The following CLCA4 variants were observed in gnomAD, a reference collection of about 807,000 sequenced individuals.
CLCA4 encodes calcium-activated chloride channel regulator 4.
In CLCA4, 69 loss-of-function variants were observed where a neutral mutation model predicts 78.9. That is an observed-to-expected ratio of 0.87 (90% confidence interval 0.72 to 1.07). The LOEUF (loss-of-function observed/expected upper bound fraction) is 1.07. Among genes scored for constraint, CLCA4 ranks in the 50% least tolerant of loss-of-function variants. CLCA4 has a pLI of 0.00. For synonymous variants in CLCA4, 362 were observed against 375.8 expected (o/e 0.96, Z 0.42); for missense variants, 1,133 against 1,095.8 (o/e 1.03, Z -0.48).
At chr1:86,554,151 C>T (rs1349359028) in intron 1 of CLCA4, among the ~76,000 whole-genome samples, 3 of 152,086 alleles carry the variant, frequency 2.0e-5, no homozygotes, top group Admixed American at 6.5e-5. Flanking sequence ...ACCTCCACCC[C>T]CACTCTCAAG....
intron 1 of CLCA4, among the ~76,000 whole-genome samples, chr1:86,553,948 T>C (rs1309497632): frequency 1.3e-5 from 2 of 152,032 alleles, no homozygotes; most frequent in African/African-American, 4.8e-5. Context: ...AAAAAAAGTT[T>C]GTGTGTCAAT....
At chr1:86,564,151 G>T (rs1650105916) in intron 4 of CLCA4, among the ~76,000 whole-genome samples, 1 of 152,090 alleles carries the variant, frequency 6.6e-6, no homozygotes, top group Admixed American at 6.6e-5. Flanking sequence ...GCAGCTTCAA[G>T]GAGCCAAGCA....
chr1:86,550,983 C>T (rs944268145), intron 1 of CLCA4, among the ~76,000 whole-genome samples: 3 of 151,698 alleles, frequency 2.0e-5, no homozygotes, highest in Non-Finnish European at 4.4e-5. Flanking sequence ...AGGCGCCTGC[C>T]ACCACGCCCC....
chr1:86,549,170 G>A (rs1325516050), intron 1 of CLCA4, among the ~76,000 whole-genome samples: 3 of 152,132 alleles, frequency 2.0e-5, no homozygotes, highest in Non-Finnish European at 4.4e-5. Context: ...GATTGGGGGA[G>A]AATGTGGGTT....
Position 86,580,413 on chromosome 1 carries a change from T to G in CLCA4, c.*68T>G. 3 of 1,212,782 alleles carry G rather than the reference T, an allele frequency of 2.5e-6. No individual in the cohort carries two copies. Among genetic ancestry groups the G allele is most frequent in the Non-Finnish European group, 3.4e-6 (3 of 895,284 alleles). The allele number at this position is 1,212,782 out of a possible 1,614,324, so 75.1% of individuals were successfully genotyped here. A position where few individuals can be genotyped will look rare whatever the true frequency, so the allele number is the denominator to read the frequency against. ...GTTTTAAAAAACAAAACAATGTAAGTAAAGGATATTTCTGAATCTTAAAAT... is the reference window on the plus strand; with the variant it reads ...GTTTTAAAAAACAAAACAATGTAAGGAAAGGATATTTCTGAATCTTAAAAT... On this transcript the variant is annotated 3_prime_UTR_variant, in exon 14 of 14. Coordinates refer to ENST00000370563, the MANE Select transcript of CLCA4 (RefSeq NM_012128.4).
In CLCA4 at chr1:86,574,710, T is replaced by C; in HGVS notation, c.1638T>C (p.Asp546=). Reference sequence around the variant, plus strand: ...CAATAATGGAAAATTTCACAGTGGATGCAACTTCCAAAATGGCCTATCTCA... The same window carrying C: ...CAATAATGGAAAATTTCACAGTGGACGCAACTTCCAAAATGGCCTATCTCA... ...SGTIMENFTV[D]ATSKMAYLSI... The change falls in exon 10 of 14, where the codon GAT becomes GAC. Residue 546 remains aspartate (D), a synonymous_variant. Coordinates refer to ENST00000370563, the MANE Select transcript of CLCA4 (RefSeq NM_012128.4). 1 of 1,613,298 alleles carries C rather than the reference T, an allele frequency of 6.2e-7. No homozygotes were observed. The highest frequency in any genetic ancestry group is 8.5e-7 in the Non-Finnish European group (1 of 1,179,524).
chr1:86,571,597 G>T (rs1650353139), intron 8 of CLCA4, among the ~76,000 whole-genome samples: 1 of 152,012 alleles, frequency 6.6e-6, no homozygotes. Context: ...TGAACAGGTG[G>T]TGAATTTCTC....
intron 11 of CLCA4, 98 bp from the exon 12 acceptor site, chr1:86,577,804 G>A: frequency 1.2e-6 from 1 of 859,428 alleles, no homozygotes; most frequent in Admixed American, 2.8e-5. Context: ...AAAATATTAA[G>A]CCTAATCTAG....
intron 7 of CLCA4, among the ~76,000 whole-genome samples, chr1:86,569,175 G>A (rs1249049810): frequency 1.3e-5 from 2 of 151,958 alleles, no homozygotes; most frequent in Non-Finnish European, 2.9e-5. Flanking sequence ...GTGAATAAAC[G>A]AAACAGGGAA....
At chr1:86,558,349 T>C (rs191754636) in intron 1 of CLCA4, among the ~76,000 whole-genome samples, 1 of 152,292 alleles carries the variant, frequency 6.6e-6, no homozygotes, top group Non-Finnish European at 1.5e-5. Flanking sequence ...CTGGTAACAG[T>C]CTTTCTATAT....
At chr1:86,575,208 C>T in intron 10 of CLCA4, 124 bp from the exon 11 acceptor site, 1 of 844,458 alleles carries the variant, frequency 1.2e-6, no homozygotes. Context: ...ACCCATTTAT[C>T]CTCAACATCC....
Position 86,580,637 on chromosome 1 carries a change from AT to A in CLCA4, c.*295del. On this transcript the variant is annotated 3_prime_UTR_variant, in exon 14 of 14. Transcript: ENST00000370563. Reference sequence around the variant, plus strand: ...TCATACTGATACCTGGTTGTATATTATTTGATGCAACAGTTTTCTGAAATGA... The same window carrying A: ...TCATACTGATACCTGGTTGTATATTATTGATGCAACAGTTTTCTGAAATGA... 1 of 241,338 alleles carries A rather than the reference AT, an allele frequency of 4.1e-6. No individual in the cohort carries two copies. Among genetic ancestry groups the A allele is most frequent in the Non-Finnish European group, 7.8e-6 (1 of 127,422 alleles). 14.9% of individuals were successfully genotyped at this position (241,338 alleles called of 1,614,324 possible).
chr1:86,551,110 C>A (rs1432984267), intron 1 of CLCA4, among the ~76,000 whole-genome samples: 4 of 152,038 alleles, frequency 2.6e-5, no homozygotes, highest in Non-Finnish European at 5.9e-5. Flanking sequence ...GGATTACCGT[C>A]GTGAGCCACC....
chr1:86,547,367 C>T, intron 1 of CLCA4, 89 bp downstream of exon 1: 1 of 1,032,112 alleles, frequency 9.7e-7, no homozygotes. Flanking sequence ...TTATGGCATA[C>T]AAAGTAGTAT....
chr1:86,575,560 G>A lies in CLCA4; in HGVS notation c.1912G>A (p.Gly638Arg), dbSNP rs777810362. ...GACTGCTTTCATTGAATCACAGAAT[G>A]GACATACAGAAGTTTTGGAACTTTT... ...NVTAFIESQNGHTEVLELLDN... is the reference protein window; with the variant it reads ...NVTAFIESQNRHTEVLELLDN... Residue 638 changes from glycine (G) to arginine (R), a missense_variant, in exon 11 of 14, where the codon GGA (glycine) becomes AGA (arginine). Transcript: ENST00000370563. 5 of 1,613,074 alleles carry A rather than the reference G, an allele frequency of 3.1e-6. No homozygotes were observed. In the South Asian group the frequency reaches 3.3e-5, roughly 11 times the overall value.
At chr1:86,570,748 T>C (rs917626621) in intron 7 of CLCA4, among the ~76,000 whole-genome samples, 1 of 152,060 alleles carries the variant, frequency 6.6e-6, no homozygotes, top group Admixed American at 6.6e-5. Flanking sequence ...CTAATTAATG[T>C]CACATACTGT....
Position 86,563,777 on chromosome 1 carries a change from T to A in CLCA4, c.557+8T>A. On this transcript the variant is annotated splice_region_variant and intron_variant, in intron 4 of 13. Coordinates refer to ENST00000370563, the MANE Select transcript of CLCA4 (RefSeq NM_012128.4). ...AAAAATCGAAGCAACAAGGCATGGC[T>A]ATTTAAATTTTCTAAACTGACTTCA... 1 of 1,520,370 alleles carries A rather than the reference T, an allele frequency of 6.6e-7. No homozygotes were observed. Among genetic ancestry groups the A allele is most frequent in the Admixed American group, 1.8e-5 (1 of 55,580 alleles). 94.2% of individuals were successfully genotyped at this position (1,520,370 alleles called of 1,614,324 possible). A position where few individuals can be genotyped will look rare whatever the true frequency, so the allele number is the denominator to read the frequency against.
At chr1:86,553,454 C>T (rs1221441140) in intron 1 of CLCA4, 8 of 357,688 alleles carry the variant, frequency 2.2e-5, no homozygotes, top group Non-Finnish European at 4.0e-5. Flanking sequence ...CTGTCGAAGC[C>T]TTTGTCACGA....
intron 12 of CLCA4, 34 bp downstream of exon 12, chr1:86,578,106 A>G (rs759570515): frequency 4.5e-6 from 7 of 1,567,664 alleles, no homozygotes; most frequent in Non-Finnish European, 6.1e-6. Flanking sequence ...ATCCAGTGAT[A>G]GTTTGAACAA....
Sources: gnomAD v4.1 joint callset for allele counts (sites outside exome capture counted in the v4.1 genomes callset) on GRCh38, gnomAD v4.1.1 for gene constraint, MANE v1.5 for transcripts, NCBI Gene and HGNC (gene_info 2026-07-23, HGNC 2026-07-21) for gene names.